The following EPHA6 variants were observed in gnomAD, a reference collection of about 807,000 sequenced individuals.
EPHA6 encodes ephrin type-A receptor 6.
A neutral mutation model predicts 112.0 loss-of-function variants in EPHA6; 50 were observed. That is an observed-to-expected ratio of 0.45 (90% CI 0.36 to 0.56). EPHA6 has a LOEUF of 0.56. EPHA6 is among the 20% of genes least tolerant of loss of function. The pLI is 0.00. For missense variants in EPHA6, 1,280 were observed against 1,417.4 expected (o/e 0.90, Z 1.56); for synonymous variants, 529 against 490.7 (o/e 1.08, Z -1.03).
At chr3:97,559,305 T>C (rs551617549) in intron 11 of EPHA6, among the ~76,000 whole-genome samples, 8 of 152,144 alleles carry the variant, frequency 5.3e-5, no homozygotes, top group Admixed American at 2.0e-4. Context: ...GCAATGCATA[T>C]GAATTGGCAT....
At chr3:97,189,185 T>A (rs2077235094) in intron 3 of EPHA6, among the ~76,000 whole-genome samples, 1 of 152,010 alleles carries the variant, frequency 6.6e-6, no homozygotes, top group African/African-American at 2.4e-5. Context: ...CTTTAAAAAA[T>A]AAATAATATT....
chr3:97,705,921 G>A (rs1311778084), intron 14 of EPHA6, among the ~76,000 whole-genome samples: 1 of 152,102 alleles, frequency 6.6e-6, no homozygotes, highest in Non-Finnish European at 1.5e-5. Flanking sequence ...GCCACGCAGT[G>A]CTCCAGTGAT....
At position 97,243,940 on chromosome 3, in the gene EPHA6, G is replaced by T; in HGVS notation, c.1271-12G>T. The T allele has an allele frequency of 1.3e-6, 2 of 1,574,028 alleles. No individual in the cohort carries two copies. The highest frequency in any genetic ancestry group is 1.9e-5 in the Admixed American group (1 of 54,006). ...ATATATGTACATTTGTTTTTTAATT[G>T]CTTTTCTCTAGGGCCACCTTCAGCT... On this transcript the variant is annotated splice_polypyrimidine_tract_variant and intron_variant, in intron 4 of 17. Coordinates refer to ENST00000389672, the MANE Select transcript of EPHA6 (RefSeq NM_001080448.3).
At chr3:97,542,548 T>G (rs2107679549) in intron 11 of EPHA6, among the ~76,000 whole-genome samples, 1 of 152,308 alleles carries the variant, frequency 6.6e-6, no homozygotes, top group South Asian at 2.1e-4. Flanking sequence ...AGTGCTGCTA[T>G]AAACATACGT....
chr3:96,923,141 T>G (rs974875968), intron 2 of EPHA6, among the ~76,000 whole-genome samples: 11 of 152,212 alleles, frequency 7.2e-5, no homozygotes, highest in African/African-American at 2.4e-4. Context: ...CTTATATTCC[T>G]TTGGGTGTAT....
At position 97,748,657 on chromosome 3, in the gene EPHA6, C is replaced by T. The variant is rs755082271; in HGVS notation, c.3349C>T (p.Arg1117Cys). Residue 1117 changes from arginine (R) to cysteine (C), a missense_variant, in exon 18 of 18, where the codon CGT becomes TGT. Physicochemically the swap from Arg to Cys is radical, Grantham distance 180. This residue lies in a region of EPHA6 where 145 missense variants were observed against 153.3 expected (regional missense o/e 0.95). Transcript: ENST00000389672. ...RRIVSSIQTL[R>C]LHMMHIQEKG... ...AATAGTCAGCAGCATACAGACTTTA[C>T]GTTTACACATGATGCACATACAGGA... 3.2e-5 allele frequency: 52 copies of T among 1,611,574 alleles called. No individual in the cohort carries two copies. The highest frequency in any genetic ancestry group is 6.7e-5 in the Admixed American group (4 of 59,944).
rs183699913 is a variant in EPHA6 at position 97,640,504 on chromosome 3, G to T, written c.2784+2422G>T. On this transcript the variant is annotated intron_variant, in intron 14 of 17. Coordinates refer to ENST00000389672, the MANE Select transcript of EPHA6 (RefSeq NM_001080448.3). ...ATTGGGGCCGGGCACGGTGGCTCGC[G>T]CCTGTTATCCCATCCCAGCACTTTG... is the stretch of plus-strand genomic sequence containing the variant. Among the ~76,000 whole-genome samples the T allele has an allele frequency of 5.2e-3, 793 of 152,096 alleles. 13 individuals carry two copies. Among genetic ancestry groups the T allele is most frequent in the African/African-American group, 0.018 (741 of 41,494 alleles).
At chr3:97,076,997 A>G (rs2046548133) in intron 3 of EPHA6, among the ~76,000 whole-genome samples, 1 of 152,122 alleles carries the variant, frequency 6.6e-6, no homozygotes, top group Non-Finnish European at 1.5e-5. Flanking sequence ...GGAGATGTAC[A>G]AGATTAGTGT....
rs67777487 is a variant in EPHA6, at chr3:97,085,928, CATATATATAT to C, written c.1114+97947_1114+97956del. 8.2e-4 allele frequency among the ~76,000 whole-genome samples: 98 copies of C among 119,498 alleles called. 9 individuals are homozygous for C. The highest frequency in any genetic ancestry group is 4.2e-3 in the African/African-American group (93 of 22,344). 78.4% of individuals were successfully genotyped at this position (119,498 alleles called of 152,430 possible). On this transcript the variant is annotated intron_variant, in intron 3 of 17. Coordinates refer to ENST00000389672, the MANE Select transcript of EPHA6 (RefSeq NM_001080448.3). The stretch of plus-strand genomic sequence containing the variant: ...TTGTGAGCTTTTATATATATGATGT[CATATATATAT>C]ATATATATATACACACTGAGATGGA...
intron 10 of EPHA6, among the ~76,000 whole-genome samples, chr3:97,508,910 A>T (rs867285041): frequency 2.7e-5 from 4 of 145,526 alleles, no homozygotes; most frequent in South Asian, 2.2e-4. Context: ...TCATTATTTA[A>T]TGCCCTGCTT....
intron 15 of EPHA6, among the ~76,000 whole-genome samples, chr3:97,732,731 T>G (rs531693699): frequency 3.7e-4 from 56 of 152,190 alleles, no homozygotes; most frequent in Middle Eastern, 3.4e-3. Context: ...CATAAAGTTA[T>G]TGTGAAGATT....
chr3:97,012,419 G>A (rs576649483), intron 3 of EPHA6, among the ~76,000 whole-genome samples: 1 of 151,054 alleles, frequency 6.6e-6, no homozygotes, highest in Admixed American at 6.6e-5. Context: ...CCGACTCTGG[G>A]CTCAGATGAT....
At chr3:97,145,483 T>A (rs1262619078) in intron 3 of EPHA6, among the ~76,000 whole-genome samples, 1 of 151,474 alleles carries the variant, frequency 6.6e-6, no homozygotes, top group East Asian at 1.9e-4. Context: ...TTCTCTTGAT[T>A]TTCCTAGTTT....
chr3:97,007,087 G>A (rs962991256), intron 3 of EPHA6, among the ~76,000 whole-genome samples: 6 of 152,138 alleles, frequency 3.9e-5, no homozygotes, highest in Admixed American at 1.3e-4. Context: ...CTGTTGTTTT[G>A]GGGTGGAGAG....
chr3:97,750,298 GTT>G lies in EPHA6; in HGVS notation c.*1608_*1609del, dbSNP rs34935946. On this transcript the variant is annotated 3_prime_UTR_variant, in exon 18 of 18. Transcript: ENST00000389672. ...AAATTCATTTTTTGTCATAGTAGTG[GTT>G]TTTTTTTTTTAAATAAAGGACCCTG... Among the ~76,000 whole-genome samples the G allele has an allele frequency of 9.6e-5, 14 of 145,998 alleles. No homozygotes were observed. Among genetic ancestry groups the G allele is most frequent in the Middle Eastern group, 3.5e-3 (1 of 282 alleles).
intron 3 of EPHA6, among the ~76,000 whole-genome samples, chr3:97,030,855 C>T (rs570908522): frequency 1.6e-3 from 246 of 151,912 alleles, no homozygotes; most frequent in Non-Finnish European, 2.9e-3. Flanking sequence ...GTTTTTCTAT[C>T]GCCATAAACT....
chr3:97,425,367 C>T (rs968709536), intron 6 of EPHA6, among the ~76,000 whole-genome samples: 5 of 152,212 alleles, frequency 3.3e-5, no homozygotes, highest in Non-Finnish European at 7.4e-5. Flanking sequence ...TAGGCGGAGG[C>T]TCCCAAACCT....
intron 5 of EPHA6, among the ~76,000 whole-genome samples, chr3:97,291,018 A>G (rs1408569301): frequency 6.6e-6 from 1 of 151,706 alleles, no homozygotes; most frequent in Non-Finnish European, 1.5e-5. Flanking sequence ...TAATGCATGC[A>G]TTTGTTGCTA....
chr3:97,349,515 C>A (rs142408485), intron 5 of EPHA6, among the ~76,000 whole-genome samples: 1 of 152,202 alleles, frequency 6.6e-6, no homozygotes, highest in African/African-American at 2.4e-5. Context: ...TATATAATAT[C>A]TTCCACAAGG....
Sources: gnomAD v4.1 joint callset for allele counts (sites outside exome capture counted in the v4.1 genomes callset) on GRCh38, gnomAD v4.1.1 for gene constraint, gnomAD v4.1.1 regional missense constraint, MANE v1.5 for transcripts, NCBI Gene and HGNC (gene_info 2026-07-23, HGNC 2026-07-21) for gene names.